EIF2AK3: variants seen among roughly 807,000 people sequenced by gnomAD.
EIF2AK3 encodes eukaryotic translation initiation factor 2-alpha kinase 3.
EIF2AK3 carries 50 observed loss-of-function variants against 113.5 expected under a neutral mutation model. The ratio of observed to expected loss-of-function variants is 0.44; its 90% CI spans 0.35 to 0.56. EIF2AK3 has a LOEUF of 0.56. Among genes scored for constraint, EIF2AK3 ranks in the 20% least tolerant of loss-of-function variants. The probability of loss-of-function intolerance (pLI) is 0.00; values close to 1 mark genes in which losing one functional copy is unlikely to be tolerated. For synonymous variants in EIF2AK3, 448 were observed against 495.4 expected (o/e 0.90, Z 1.27); for missense variants, 1,185 against 1,378.0 (o/e 0.86, Z 2.22).
intron 3 of EIF2AK3, 28 bp downstream of exon 3, chr2:88,595,441 C>T: frequency 6.2e-7 from 1 of 1,605,842 alleles, no homozygotes; most frequent in South Asian, 1.1e-5. Flanking sequence ...TCTGATTTCC[C>T]CAAAGTAAAT....
rs1673787154 is a variant in EIF2AK3, at chr2:88,556,776, T to G, written c.*960A>C. ...AAAAGTTTTATTAAATCATTTAGACTTGAAAGAAGTCACAAGTTAACACAC... is the reference window on the plus strand; with the variant it reads ...AAAAGTTTTATTAAATCATTTAGACGTGAAAGAAGTCACAAGTTAACACAC... On this transcript the variant is annotated 3_prime_UTR_variant, in exon 17 of 17. Coordinates refer to ENST00000303236, the MANE Select transcript of EIF2AK3 (RefSeq NM_004836.7). The G allele has an allele frequency of 6.6e-6, 1 of 152,230 alleles. No homozygotes were observed. The highest frequency in any genetic ancestry group is 6.5e-5 in the Admixed American group (1 of 15,280). The allele number at this position is 152,230 out of a possible 1,614,324, so 9.4% of individuals were successfully genotyped here.
At position 88,627,229 on chromosome 2, in the gene EIF2AK3, GC is replaced by G. The variant is rs1302871151; in HGVS notation, c.45del (p.Leu16CysfsTer55). On this transcript the variant is annotated frameshift_variant, in exon 1 of 17. Transcript: ENST00000303236. LOFTEE classifies it high-confidence loss of function. The part of the protein sequence containing the change: ...ISPGLLVRAL[L>X]LLLLLLGLAA... Reference sequence around the variant, plus strand: ...GCGAGCCCCAGCAGCAGCAGCAGCAGCAGCAGCGCCCGTACCAGCAGCCCCG... The same window carrying G: ...GCGAGCCCCAGCAGCAGCAGCAGCAGAGCAGCGCCCGTACCAGCAGCCCCG... 2 of 1,478,478 alleles carry G rather than the reference GC, an allele frequency of 1.4e-6. No homozygotes were observed. The highest frequency in any genetic ancestry group is 2.3e-5 in the Admixed American group (1 of 43,514). 91.6% of individuals were successfully genotyped at this position (1,478,478 alleles called of 1,614,324 possible). A position where few individuals can be genotyped will look rare whatever the true frequency, so the allele number is the denominator to read the frequency against.
rs562457025 is a variant in EIF2AK3, at chr2:88,610,244, T to A, written c.438+3480A>T. On this transcript the variant is annotated intron_variant, in intron 2 of 16. Transcript: ENST00000303236. Reference sequence around the variant, plus strand: ...GGTAACAGCAACAAATTTGTTTTTTTAAAAAATATTCTATAAGGAAATATG... The same window carrying A: ...GGTAACAGCAACAAATTTGTTTTTTAAAAAAATATTCTATAAGGAAATATG... 2.6e-5 allele frequency among the ~76,000 whole-genome samples: 4 copies of A among 152,314 alleles called. No individual in the cohort carries two copies. The East Asian group carries it at 5.8e-4, about 22-fold the overall frequency.
chr2:88,565,681 T>G (rs1345409300), intron 14 of EIF2AK3, among the ~76,000 whole-genome samples: 3 of 152,188 alleles, frequency 2.0e-5, no homozygotes, highest in Admixed American at 6.5e-5. Context: ...GTAGAAAAAT[T>G]GGATCATACA....
At chr2:88,563,853 C>A (rs529862770) in intron 14 of EIF2AK3, among the ~76,000 whole-genome samples, 1 of 152,054 alleles carries the variant, frequency 6.6e-6, no homozygotes, top group Non-Finnish European at 1.5e-5. Flanking sequence ...TAGATATACA[C>A]ACACACAGAG....
At chr2:88,601,834 C>CTTTTTCT (rs1675154913) in intron 2 of EIF2AK3, among the ~76,000 whole-genome samples, 1 of 74,858 alleles carries the variant, frequency 1.3e-5, no homozygotes, top group African/African-American at 5.3e-5. Flanking sequence ...TAAGATTTTT[C>CTTTTTCT]TTTTTTTTTT....
At chr2:88,606,397 G>A (rs1675278646) in intron 2 of EIF2AK3, among the ~76,000 whole-genome samples, 1 of 152,084 alleles carries the variant, frequency 6.6e-6, no homozygotes, top group Admixed American at 6.5e-5. Flanking sequence ...TCACAGCACT[G>A]CTTTCAGCCA....
At chr2:88,624,592 G>A (rs1431129279) in intron 1 of EIF2AK3, among the ~76,000 whole-genome samples, 1 of 152,022 alleles carries the variant, frequency 6.6e-6, no homozygotes, top group Non-Finnish European at 1.5e-5. Flanking sequence ...CATTTCCTGA[G>A]GTTTTCTCAT....
chr2:88,570,514 G>A (rs772820114), intron 14 of EIF2AK3, among the ~76,000 whole-genome samples: 4 of 152,194 alleles, frequency 2.6e-5, no homozygotes, highest in Non-Finnish European at 5.9e-5. Flanking sequence ...GCTCAGTATA[G>A]TACCTCTGGG....
Position 88,587,649 on chromosome 2 carries a change from A to G in EIF2AK3, c.1429+333T>C, listed in dbSNP as rs555487927. ...ACGAGAACCAATGTTTACTGACACT[A>G]TGTGCCACGTATGATGTTAACTGAG... On this transcript the variant is annotated intron_variant, in intron 8 of 16. Transcript: ENST00000303236. 9.2e-5 allele frequency among the ~76,000 whole-genome samples: 14 copies of G among 152,322 alleles called. No homozygotes were observed. In the South Asian group the frequency reaches 2.7e-3, roughly 29 times the overall value.
At position 88,583,557 on chromosome 2, in the gene EIF2AK3, A is replaced by C; in HGVS notation, c.1651-15T>G. Reference sequence around the variant, plus strand: ...TCCTTCCTTTGCTGATAAGGTGAAAAACAAAATCACTACCAGTACAAAGCT... The same window carrying C: ...TCCTTCCTTTGCTGATAAGGTGAAACACAAAATCACTACCAGTACAAAGCT... On this transcript the variant is annotated splice_polypyrimidine_tract_variant and intron_variant, in intron 9 of 16. Transcript: ENST00000303236. 1.9e-6 allele frequency: 3 copies of C among 1,590,412 alleles called. No homozygotes were observed. Among genetic ancestry groups the C allele is most frequent in the Non-Finnish European group, 2.6e-6 (3 of 1,159,478 alleles).
intron 6 of EIF2AK3, 116 bp from the exon 7 acceptor site, chr2:88,589,017 A>T (rs1028963453): frequency 6.6e-6 from 8 of 1,216,826 alleles, no homozygotes; most frequent in African/African-American, 3.1e-5. Flanking sequence ...ACTCTTGTCA[A>T]AGAAGAAACA....
At chr2:88,560,177 T>C (rs751511657) in intron 15 of EIF2AK3, among the ~76,000 whole-genome samples, 2 of 152,134 alleles carry the variant, frequency 1.3e-5, no homozygotes, top group Non-Finnish European at 2.9e-5. Flanking sequence ...TGGTATCTCA[T>C]TGTGGTTTTG....
intron 1 of EIF2AK3, among the ~76,000 whole-genome samples, chr2:88,624,138 C>T (rs534510721): frequency 1.6e-4 from 24 of 152,212 alleles, no homozygotes; most frequent in African/African-American, 4.8e-4. Flanking sequence ...ATTACAGGCA[C>T]CCGCCACCAT....
chr2:88,572,255 C>T (rs1243713612), intron 13 of EIF2AK3, among the ~76,000 whole-genome samples: 1 of 152,214 alleles, frequency 6.6e-6, no homozygotes, highest in East Asian at 1.9e-4. Flanking sequence ...CATCTGATGG[C>T]AGTTGTTATT....
chr2:88,625,957 T>G (rs901578791), intron 1 of EIF2AK3, among the ~76,000 whole-genome samples: 8 of 152,200 alleles, frequency 5.3e-5, no homozygotes, highest in Non-Finnish European at 1.0e-4. Flanking sequence ...AATTTAAAAT[T>G]AAATCTAACT....
At chr2:88,589,379 TTA>T (rs911857344) in intron 6 of EIF2AK3, among the ~76,000 whole-genome samples, 4 of 152,176 alleles carry the variant, frequency 2.6e-5, no homozygotes, top group Non-Finnish European at 4.4e-5. Context: ...TTATAGAATT[TTA>T]TGAGTATTTG....
chr2:88,558,759 G>T (rs568319862), intron 16 of EIF2AK3, among the ~76,000 whole-genome samples, 158 bp downstream of exon 16: 1 of 152,168 alleles, frequency 6.6e-6, no homozygotes, highest in Non-Finnish European at 1.5e-5. Flanking sequence ...TCCAGTGTTT[G>T]GTTTTAACAA....
chr2:88,626,548 T>G (rs972603679), intron 1 of EIF2AK3, among the ~76,000 whole-genome samples: 6 of 152,206 alleles, frequency 3.9e-5, no homozygotes, highest in Non-Finnish European at 8.8e-5. Context: ...TGAAAGAAAA[T>G]GCAGACGTCT....
Sources: allele counts gnomAD v4.1 joint callset (sites outside exome capture counted in the v4.1 genomes callset), GRCh38; gene constraint gnomAD v4.1.1; transcripts MANE v1.5; gene names NCBI Gene and HGNC (gene_info 2026-07-23, HGNC 2026-07-21).